Variants in KIRREL2 observed in about 807,000 individuals in gnomAD.
The protein encoded by KIRREL2 is kin of IRRE-like protein 2.
A neutral mutation model predicts 73.4 loss-of-function variants in KIRREL2; 56 were observed. The observed-to-expected ratio is 0.76, with a 90% CI of 0.62 to 0.95. The LOEUF (loss-of-function observed/expected upper bound fraction) is 0.95. Ranked by LOEUF, KIRREL2 falls within the 40% of genes least tolerant of loss-of-function variation. The pLI, the probability that KIRREL2 is intolerant of heterozygous loss-of-function variation, is 0.00. For missense variants in KIRREL2, 896 were observed against 935.0 expected (o/e 0.96, Z 0.54); for synonymous variants, 407 against 404.0 (o/e 1.01, Z -0.09).
rs1193523684 is a variant in KIRREL2 at position 35,860,768 on chromosome 19, G to T, written c.928+101G>T. The T allele has an allele frequency of 3.2e-6, 5 of 1,582,760 alleles. No homozygotes were observed. In the East Asian group the frequency reaches 9.0e-5, roughly 28 times the overall value. On this transcript the variant is annotated intron_variant, in intron 7 of 14. Coordinates refer to ENST00000360202, the MANE Select transcript of KIRREL2 (RefSeq NM_199180.4). ...GGGGCGGGGCCGGGAGAGCGAGCGT[G>T]GGGTATTAGGAGGAGGAGAGTGTGG...
chr19:35,853,065 G>A (rs576725517), upstream of KIRREL2, among the ~76,000 whole-genome samples: 2 of 152,234 alleles, frequency 1.3e-5, no homozygotes, highest in South Asian at 4.1e-4. Context: ...AAAATGCTGG[G>A]ATTACAGACA....
At chr19:35,860,783 G>A in intron 7 of KIRREL2, 116 bp downstream of exon 7, 1 of 1,582,830 alleles carries the variant, frequency 6.3e-7, no homozygotes, top group Middle Eastern at 1.7e-4. Flanking sequence ...ATTAGGAGGA[G>A]GAGAGTGTGG....
At chr19:35,852,984 G>A (rs990090417), upstream of KIRREL2, among the ~76,000 whole-genome samples, 3 of 152,020 alleles carry the variant, frequency 2.0e-5, no homozygotes, top group African/African-American at 4.8e-5. Flanking sequence ...TACTAGAGAC[G>A]GGGTTTCATC....
In KIRREL2 at chr19:35,866,707, C is replaced by T. The variant is rs1438808229; in HGVS notation, c.*215C>T. On this transcript the variant is annotated 3_prime_UTR_variant, in exon 15 of 15. Coordinates refer to ENST00000360202, the MANE Select transcript of KIRREL2 (RefSeq NM_199180.4). Reference sequence around the variant, plus strand: ...GCAACATGGCCACCCAATATGCCCACCTATTCCCCGGTGTAAAAGAGATTC... The same window carrying T: ...GCAACATGGCCACCCAATATGCCCATCTATTCCCCGGTGTAAAAGAGATTC... 1.3e-5 allele frequency: 8 copies of T among 624,612 alleles called. No individual in the cohort carries two copies. Among genetic ancestry groups the T allele is most frequent in the African/African-American group, 5.5e-5 (3 of 54,076 alleles). 38.7% of individuals were successfully genotyped at this position (624,612 alleles called of 1,614,324 possible). A position where few individuals can be genotyped will look rare whatever the true frequency, so the allele number is the denominator to read the frequency against.
At chr19:35,862,081 G>C in intron 11 of KIRREL2, 57 bp downstream of exon 11, 3 of 1,455,694 alleles carry the variant, frequency 2.1e-6, no homozygotes, top group Non-Finnish European at 2.8e-6. Flanking sequence ...ACAAACGCAG[G>C]GATCCCCCAG....
rs926755177 is a variant in KIRREL2, at chr19:35,866,630, C to T, written c.*138C>T. The T allele has an allele frequency of 5.5e-5, 73 of 1,334,676 alleles. No individual in the cohort carries two copies. The highest frequency in any genetic ancestry group is 7.6e-5 in the Non-Finnish European group (72 of 949,780). 82.7% of individuals were successfully genotyped at this position (1,334,676 alleles called of 1,614,324 possible). A position where few individuals can be genotyped will look rare whatever the true frequency, so the allele number is the denominator to read the frequency against. On this transcript the variant is annotated 3_prime_UTR_variant, in exon 15 of 15. Transcript: ENST00000360202. ...GGGAGGGAAAGATCATTACATTTGT[C>T]AGGAGCATTTGTATACAGTCAGCTC...
chr19:35,861,312 AG>A, intron 9 of KIRREL2, 58 bp downstream of exon 9: 1 of 1,505,354 alleles, frequency 6.6e-7, no homozygotes, highest in Non-Finnish European at 8.8e-7. Flanking sequence ...GAGCGGACAG[AG>A]GGGGCAAGGG....
chr19:35,862,915 G>T lies in KIRREL2; in HGVS notation c.1616-12G>T. On this transcript the variant is annotated splice_polypyrimidine_tract_variant and intron_variant, in intron 12 of 14. Transcript: ENST00000360202. ...CGCCCATCGCTTAACTCCACCGGTC[G>T]CTGTTTGTCAGCCTCAGCCTCTTTC... 1 of 1,524,800 alleles carries T rather than the reference G, an allele frequency of 6.6e-7. No homozygotes were observed. Among genetic ancestry groups the T allele is most frequent in the Non-Finnish European group, 8.9e-7 (1 of 1,120,232 alleles). 94.5% of individuals were successfully genotyped at this position (1,524,800 alleles called of 1,614,324 possible).
upstream of KIRREL2, chr19:35,851,489 G>A (rs761152159): frequency 1.1e-5 from 18 of 1,613,478 alleles, no homozygotes; most frequent in African/African-American, 2.7e-5. Context: ...GCGGTACCTC[G>A]GGAAGCCTGG....
chr19:35,857,219 T>TGGGGAGGATTTGGGGGGGGGGGG, intron 1 of KIRREL2, 39 bp downstream of exon 1: 1 of 631,738 alleles, frequency 1.6e-6, no homozygotes, highest in Non-Finnish European at 2.3e-6. Context: ...GGGGTGGGGG[T>TGGGGAGGATTTGGGGGGGGGGGG]GGGGAGTTGC....
Position 35,860,404 on chromosome 19 carries a change from T to C in KIRREL2, c.779+2T>C. 1 of 1,612,410 alleles carries C rather than the reference T, an allele frequency of 6.2e-7. No individual in the cohort carries two copies. On this transcript the variant is annotated splice_donor_variant, in intron 6 of 14. Transcript: ENST00000360202. LOFTEE classifies it high-confidence loss of function. ...CCAGCCTCCTGTCACAGGCTACAGG[T>C]GAGGACGAAGACCCACCTCTCCCCA...
At chr19:35,860,197 C>T (rs1973602526) in intron 5 of KIRREL2, 100 bp from the exon 6 acceptor site, 3 of 930,828 alleles carry the variant, frequency 3.2e-6, no homozygotes, top group South Asian at 1.6e-5. Flanking sequence ...GGATTAGGGG[C>T]CCAGACTCCT....
chr19:35,853,665 G>C (rs1308173576), upstream of KIRREL2, among the ~76,000 whole-genome samples: 1 of 151,028 alleles, frequency 6.6e-6, no homozygotes, highest in African/African-American at 2.4e-5. Flanking sequence ...CACCACTCCA[G>C]CTAATTTTTT....
At chr19:35,851,405 C>CA, upstream of KIRREL2, 1 of 1,612,722 alleles carries the variant, frequency 6.2e-7, no homozygotes. Flanking sequence ...AGCCGGAAGT[C>CA]AGGGCCGCAG....
Position 35,862,766 on chromosome 19 carries a change from C to T in KIRREL2, c.1616-161C>T, listed in dbSNP as rs544441286. Among the ~76,000 whole-genome samples the T allele has an allele frequency of 3.9e-5, 6 of 152,332 alleles. No individual in the cohort carries two copies. In the South Asian group the frequency reaches 1.2e-3, roughly 32 times the overall value. ...TTCCCTCCTTAAGCCCTAACTAGGC[C>T]TTCCCAGGGTCACACTCCTCGGTGG... On this transcript the variant is annotated intron_variant, in intron 12 of 14. Transcript: ENST00000360202.
upstream of KIRREL2, chr19:35,851,685 C>T (rs376954491): frequency 1.8e-5 from 29 of 1,607,158 alleles, no homozygotes; most frequent in East Asian, 1.6e-4. Context: ...GAGGACACAG[C>T]GCGGTGCAAG....
At chr19:35,856,768 C>CTGGGACTCCTGGGTCCTGAATGAG, upstream of KIRREL2, 2 of 408,212 alleles carry the variant, frequency 4.9e-6, no homozygotes, top group Admixed American at 4.1e-5. This position sits in a 1 kb window ranked among gnomAD's most constrained non-coding sequence, Gnocchi z 5.9. Flanking sequence ...GAGCTGGGGG[C>CTGGGACTCCTGGGTCCTGAATGAG]GCCCACCCGC....
rs1300301856 is a variant in KIRREL2 at position 35,863,765 on chromosome 19, C to CT, written c.1725+738dup. On this transcript the variant is annotated intron_variant, in intron 13 of 14. Coordinates refer to ENST00000360202, the MANE Select transcript of KIRREL2 (RefSeq NM_199180.4). ...CCACGCCCGGCCTGAGGGCTCAAGT[C>CT]TTTTTTTTTCTTTCTTTCTTTTTTT... 6.1e-5 allele frequency among the ~76,000 whole-genome samples: 9 copies of CT among 147,158 alleles called. No homozygotes were observed. The South Asian group carries it at 8.8e-4, about 14-fold the overall frequency.
At chr19:35,852,619 C>T (rs542845159), upstream of KIRREL2, among the ~76,000 whole-genome samples, 21 of 152,164 alleles carry the variant, frequency 1.4e-4, no homozygotes, top group East Asian at 3.9e-4. Context: ...ACATGCCAGG[C>T]GCGTTCCTCG....
Sources: allele counts gnomAD v4.1 joint callset (sites outside exome capture counted in the v4.1 genomes callset), GRCh38; gene constraint gnomAD v4.1.1; non-coding constraint Gnocchi (gnomAD v3.1); transcripts MANE v1.5; gene names NCBI Gene and HGNC (gene_info 2026-07-23, HGNC 2026-07-21).